The following IGF2BP3 variants were observed in gnomAD, a reference collection of about 807,000 sequenced individuals.
IGF2BP3 encodes the protein insulin like growth factor 2 mRNA binding protein 3.
IGF2BP3 carries 9 observed loss-of-function variants against 73.8 expected under a neutral mutation model. The observed-to-expected ratio is 0.12, with a 90% CI of 0.07 to 0.21. The LOEUF is 0.21. Among genes scored for constraint, IGF2BP3 ranks in the 10% least tolerant of loss-of-function variants. The pLI is 1.00. For missense variants in IGF2BP3, 542 were observed against 714.0 expected (o/e 0.76, Z 2.75); for synonymous variants, 258 against 256.7 (o/e 1.01, Z -0.05).
At chr7:23,379,320 A>G (rs1319496631) in intron 3 of IGF2BP3, among the ~76,000 whole-genome samples, 1 of 152,160 alleles carries the variant, frequency 6.6e-6, no homozygotes, top group African/African-American at 2.4e-5. Context: ...ATGTTCTCTT[A>G]TATCTGCTGT....
chr7:23,440,054 G>A (rs1284913599), intron 2 of IGF2BP3, among the ~76,000 whole-genome samples: 2 of 152,142 alleles, frequency 1.3e-5, no homozygotes, highest in Non-Finnish European at 2.9e-5. Context: ...ACGAGGTCAG[G>A]AGATCGAGAC....
chr7:23,412,044 A>G (rs1400284940), intron 3 of IGF2BP3, among the ~76,000 whole-genome samples: 1 of 136,840 alleles, frequency 7.3e-6, no homozygotes, highest in Non-Finnish European at 1.5e-5. Flanking sequence ...GTACAGTGGC[A>G]CAATTTCAGC....
At chr7:23,365,520 T>C (rs1025863300) in intron 3 of IGF2BP3, 5 of 152,172 alleles carry the variant, frequency 3.3e-5, no homozygotes, top group Admixed American at 6.5e-5. Flanking sequence ...AATATTTATA[T>C]ACACACACAT....
intron 3 of IGF2BP3, among the ~76,000 whole-genome samples, chr7:23,378,716 G>C (rs530693585): frequency 1.3e-5 from 2 of 151,814 alleles, no homozygotes; most frequent in South Asian, 4.2e-4. Context: ...TGGGACTACA[G>C]GTGCACGCCA....
At chr7:23,352,778 A>G (rs1410025032) in intron 5 of IGF2BP3, among the ~76,000 whole-genome samples, 1 of 152,178 alleles carries the variant, frequency 6.6e-6, no homozygotes, top group African/African-American at 2.4e-5. Context: ...CAGACTTCTA[A>G]TACCATAGAT....
rs1301066516 is a variant in IGF2BP3 at position 23,469,408 on chromosome 7, G to A, written c.175+528C>T. On this transcript the variant is annotated intron_variant, in intron 1 of 14. Transcript: ENST00000258729. This position sits in a 1 kb window ranked among gnomAD's most constrained non-coding sequence, Gnocchi z 6.1. ...ACACTCTCTCCTCCCACAGGGTGGG[G>A]AGGAAGCGCGGGGCCGCCTGTGCGA... is the stretch of plus-strand genomic sequence containing the variant. 1 of 152,366 alleles carries A rather than the reference G, an allele frequency of 6.6e-6. No individual in the cohort carries two copies. Among genetic ancestry groups the A allele is most frequent in the South Asian group, 2.1e-4 (1 of 4,834 alleles). 9.4% of individuals were successfully genotyped at this position (152,366 alleles called of 1,614,324 possible). A position where few individuals can be genotyped will look rare whatever the true frequency, so the allele number is the denominator to read the frequency against.
chr7:23,359,515 G>A (rs899131858), intron 5 of IGF2BP3, among the ~76,000 whole-genome samples: 11 of 152,044 alleles, frequency 7.2e-5, no homozygotes, highest in African/African-American at 2.7e-4. Flanking sequence ...TTTCCAACAG[G>A]GACTTGGCTC....
At chr7:23,390,609 C>G (rs1178140707) in intron 3 of IGF2BP3, among the ~76,000 whole-genome samples, 1 of 152,186 alleles carries the variant, frequency 6.6e-6, no homozygotes, top group Admixed American at 6.5e-5. Flanking sequence ...AAATCCCTCA[C>G]ATGCCAGCTA....
At chr7:23,346,214 A>AAG in intron 7 of IGF2BP3, 152 bp from the exon 8 acceptor site, 2 of 691,742 alleles carry the variant, frequency 2.9e-6, no homozygotes, top group Non-Finnish European at 4.7e-6. Flanking sequence ...ATTGGCCAGC[A>AAG]TTCTAGCAAT....
chr7:23,387,147 A>C (rs942097652), intron 3 of IGF2BP3, among the ~76,000 whole-genome samples: 2 of 152,146 alleles, frequency 1.3e-5, no homozygotes, highest in Admixed American at 1.3e-4. Flanking sequence ...ATCAGTGGTA[A>C]GTCATATTGC....
Position 23,452,970 on chromosome 7 carries a change from G to A in IGF2BP3, c.236+15512C>T, listed in dbSNP as rs149265690. On this transcript the variant is annotated intron_variant, in intron 2 of 14. Coordinates refer to ENST00000258729, the MANE Select transcript of IGF2BP3 (RefSeq NM_006547.3). ...CTACTAAAAATACAAAAATTAGCTGGGCATGATGGCGCACACCTGTAGTCC... is the reference window on the plus strand; with the variant it reads ...CTACTAAAAATACAAAAATTAGCTGAGCATGATGGCGCACACCTGTAGTCC... Among the ~76,000 whole-genome samples the A allele has an allele frequency of 3.7e-3, 564 of 152,072 alleles. 18 individuals are homozygous for A. Among genetic ancestry groups the A allele is most frequent in the Admixed American group, 0.031 (469 of 15,264 alleles).
chr7:23,453,341 A>G (rs1462415070), intron 2 of IGF2BP3, among the ~76,000 whole-genome samples: 1 of 152,244 alleles, frequency 6.6e-6, no homozygotes, highest in African/African-American at 2.4e-5. Flanking sequence ...AAAATGTCCC[A>G]AACAGTAAAA....
chr7:23,370,108 CCAACATACTTCCCACACCTAT>C (rs1785500453), intron 3 of IGF2BP3, among the ~76,000 whole-genome samples: 1 of 152,170 alleles, frequency 6.6e-6, no homozygotes, highest in Non-Finnish European at 1.5e-5. Context: ...TTCCATATAT[CCAACATACTTCCCACACCTAT>C]GCTCTAGTCA....
chr7:23,337,983 T>C (rs6952588), intron 10 of IGF2BP3, among the ~76,000 whole-genome samples: 2,620 of 152,342 alleles, frequency 0.017, 66 homozygotes, highest in African/African-American at 0.059. Context: ...TTGTCTACCC[T>C]TGAACTCTTC....
chr7:23,442,320 G>A (rs1787955499), intron 2 of IGF2BP3, among the ~76,000 whole-genome samples: 4 of 152,134 alleles, frequency 2.6e-5, no homozygotes, highest in Admixed American at 6.6e-5. Context: ...AATCCCTTAA[G>A]GCAGATTTAT....
intron 3 of IGF2BP3, among the ~76,000 whole-genome samples, chr7:23,373,289 T>C (rs1785614214): frequency 6.6e-6 from 1 of 152,218 alleles, no homozygotes; most frequent in Non-Finnish European, 1.5e-5. Context: ...CAATGTTAGG[T>C]GGTTTTTGAA....
At chr7:23,377,029 T>C (rs1785743342) in intron 3 of IGF2BP3, among the ~76,000 whole-genome samples, 1 of 151,998 alleles carries the variant, frequency 6.6e-6, no homozygotes, top group Non-Finnish European at 1.5e-5. Flanking sequence ...GTTAAGTAAA[T>C]TACCAGTTAC....
At chr7:23,377,521 C>T (rs886770395) in intron 3 of IGF2BP3, among the ~76,000 whole-genome samples, 1 of 152,168 alleles carries the variant, frequency 6.6e-6, no homozygotes, top group African/African-American at 2.4e-5. Flanking sequence ...CCTCAGACAT[C>T]GTTGGTGGGA....
Position 23,359,577 on chromosome 7 carries a change from C to T in IGF2BP3, c.401+1957G>A, listed in dbSNP as rs568548652. On this transcript the variant is annotated intron_variant, in intron 5 of 14. Coordinates refer to ENST00000258729, the MANE Select transcript of IGF2BP3 (RefSeq NM_006547.3). Reference sequence around the variant, plus strand: ...TAAAGTAAAACATGGCCGGGTGCAGCGGCTCATGCCTGTAATCCCAGCATT... The same window carrying T: ...TAAAGTAAAACATGGCCGGGTGCAGTGGCTCATGCCTGTAATCCCAGCATT... 2.7e-4 allele frequency among the ~76,000 whole-genome samples: 41 copies of T among 152,092 alleles called. No individual in the cohort carries two copies. The East Asian group carries it at 2.7e-3, about 10-fold the overall frequency.
Sources: gnomAD v4.1 joint callset for allele counts (sites outside exome capture counted in the v4.1 genomes callset) on GRCh38, gnomAD v4.1.1 for gene constraint, Gnocchi (gnomAD v3.1) non-coding constraint, MANE v1.5 for transcripts, NCBI Gene and HGNC (gene_info 2026-07-23, HGNC 2026-07-21) for gene names.